LAMA3: variants seen among roughly 807,000 people sequenced by gnomAD.
The protein encoded by LAMA3 is laminin subunit alpha-3.
LAMA3 carries 281 observed loss-of-function variants against 402.0 expected under a neutral mutation model. The ratio of observed to expected loss-of-function variants is 0.70; its 90% CI spans 0.63 to 0.77. LAMA3 has a LOEUF of 0.77. Ranked by LOEUF, LAMA3 falls within the 30% of genes least tolerant of loss-of-function variation. LAMA3 has a pLI of 0.00. For synonymous variants in LAMA3, 1,431 were observed against 1,558.4 expected (o/e 0.92, Z 1.93); for missense variants, 3,840 against 4,215.5 (o/e 0.91, Z 2.47).
At chr18:23,872,834 C>G (rs2064567878) in intron 38 of LAMA3, 2 of 588,874 alleles carry the variant, frequency 3.4e-6, no homozygotes, top group African/African-American at 3.7e-5. Flanking sequence ...CGCCCCACCT[C>G]ACAGGAATTA....
chr18:23,840,860 A>G (rs767304997), intron 27 of LAMA3, among the ~76,000 whole-genome samples: 2 of 152,188 alleles, frequency 1.3e-5, no homozygotes, highest in Non-Finnish European at 2.9e-5. Context: ...ATTTTGGAAT[A>G]TTTACATTAT....
intron 10 of LAMA3, 119 bp from the exon 11 acceptor site, chr18:23,777,438 C>T: frequency 1.4e-6 from 1 of 733,312 alleles, no homozygotes; most frequent in Non-Finnish European, 2.5e-6. Context: ...TTAAATTAGT[C>T]TCTATATGCT....
At chr18:23,859,845 TG>T (rs2064172612) in intron 34 of LAMA3, among the ~76,000 whole-genome samples, 1 of 152,182 alleles carries the variant, frequency 6.6e-6, no homozygotes, top group South Asian at 2.1e-4. Context: ...CCTCAGAGGT[TG>T]GGGGTAGGGC....
chr18:23,741,704 TA>T (rs1305086222), intron 2 of LAMA3, among the ~76,000 whole-genome samples: 4 of 152,174 alleles, frequency 2.6e-5, no homozygotes, highest in Non-Finnish European at 4.4e-5. Context: ...ATTACAAATG[TA>T]AAAAAGGTAA....
chr18:23,884,693 C>T (rs1010315226), intron 40 of LAMA3, 80 bp from the exon 41 acceptor site: 23 of 1,299,942 alleles, frequency 1.8e-5, no homozygotes, highest in Non-Finnish European at 2.5e-5. Flanking sequence ...TTAATACAAG[C>T]CAGTCCTTTG....
chr18:23,714,209 T>A, intron 2 of LAMA3, 137 bp downstream of exon 2: 2 of 906,540 alleles, frequency 2.2e-6, no homozygotes, highest in African/African-American at 1.7e-5. Flanking sequence ...CCTGTTACAT[T>A]AACATTTGCT....
At chr18:23,931,938 A>G (rs955520840) in intron 65 of LAMA3, among the ~76,000 whole-genome samples, 1 of 152,272 alleles carries the variant, frequency 6.6e-6, no homozygotes, top group African/African-American at 2.4e-5. Flanking sequence ...CAGTCTTTCA[A>G]AACGCCATCT....
Position 23,833,942 on chromosome 18 carries a change from G to A in LAMA3, c.2938G>A (p.Gly980Arg), listed in dbSNP as rs374075034. ...GGTTGATGTGAATGTGAAGAGCTCC[G>A]GGTCTGTTCTGGCAGGCCAGGTGAA... ...FVVDVNVKSSGSVLAGQVNIY... is the reference protein window; with the variant it reads ...FVVDVNVKSSRSVLAGQVNIY... Residue 980 changes from glycine to arginine, a missense_variant, in exon 24 of 75, where the codon GGG (glycine) becomes AGG (arginine). Gly to Arg is a moderately radical substitution (Grantham distance 125, BLOSUM62 -2). This residue lies in a region of LAMA3 where 2,109 missense variants were observed against 2,376.0 expected (regional missense o/e 0.89). Coordinates refer to ENST00000313654, the MANE Select transcript of LAMA3 (RefSeq NM_198129.4). The A allele has an allele frequency of 3.0e-5, 49 of 1,614,210 alleles. No individual in the cohort carries two copies. Among genetic ancestry groups the A allele is most frequent in the African/African-American group, 2.4e-4 (18 of 75,056 alleles).
At chr18:23,884,704 T>C (rs1259838230) in intron 40 of LAMA3, 69 bp from the exon 41 acceptor site, 1 of 1,352,834 alleles carries the variant, frequency 7.4e-7, no homozygotes, top group Non-Finnish European at 1.1e-6. Flanking sequence ...CAGTCCTTTG[T>C]GGTAAAAAAT....
chr18:23,708,557 G>T lies in LAMA3; in HGVS notation c.295-5363G>T, dbSNP rs147727639. On this transcript the variant is annotated intron_variant, in intron 1 of 74. Transcript: ENST00000313654. The stretch of plus-strand genomic sequence containing the variant: ...TTTTTATTTGTCAAATTTCTTTTGA[G>T]ATACTTGATGTTCTCTGAGACTATT... 5.2e-3 allele frequency among the ~76,000 whole-genome samples: 784 copies of T among 152,068 alleles called. 8 individuals are homozygous for T. Among genetic ancestry groups the T allele is most frequent in the African/African-American group, 0.018 (752 of 41,502 alleles).
chr18:23,900,183 G>A (rs2145115114), intron 47 of LAMA3, among the ~76,000 whole-genome samples: 1 of 152,198 alleles, frequency 6.6e-6, no homozygotes. Context: ...CGGTTCTCAT[G>A]CCTCAGACTG....
At chr18:23,843,144 T>C (rs1337662850) in intron 29 of LAMA3, among the ~76,000 whole-genome samples, 1 of 152,134 alleles carries the variant, frequency 6.6e-6, no homozygotes, top group East Asian at 1.9e-4. Context: ...TCCTTCCGAT[T>C]TGACACCGAG....
Position 23,928,824 on chromosome 18 carries a change from A to G in LAMA3, c.8436+59A>G. On this transcript the variant is annotated intron_variant, in intron 64 of 74. Transcript: ENST00000313654. Reference sequence around the variant, plus strand: ...TAAACCTGACTCAAAGTTTGATGTTAAAAACAACAGAGAGATTTAGAAAGT... The same window carrying G: ...TAAACCTGACTCAAAGTTTGATGTTGAAAACAACAGAGAGATTTAGAAAGT... 2.0e-6 allele frequency: 3 copies of G among 1,476,956 alleles called. No homozygotes were observed. The South Asian group carries it at 3.4e-5, about 17-fold the overall frequency. 91.5% of individuals were successfully genotyped at this position (1,476,956 alleles called of 1,614,324 possible). A position where few individuals can be genotyped will look rare whatever the true frequency, so the allele number is the denominator to read the frequency against.
intron 2 of LAMA3, among the ~76,000 whole-genome samples, chr18:23,715,855 T>C (rs182318953): frequency 7.9e-5 from 12 of 152,268 alleles, no homozygotes; most frequent in African/African-American, 2.9e-4. Context: ...ATGCATCCCA[T>C]AGCATAGAAA....
chr18:23,917,695 A>G (rs1486200413), intron 60 of LAMA3, among the ~76,000 whole-genome samples: 1 of 151,934 alleles, frequency 6.6e-6, no homozygotes, highest in Non-Finnish European at 1.5e-5. Flanking sequence ...GTCCATTTTT[A>G]ATGGGGTTGT....
intron 39 of LAMA3, among the ~76,000 whole-genome samples, chr18:23,877,577 G>A (rs775936536): frequency 1.6e-4 from 24 of 152,194 alleles, no homozygotes; most frequent in Non-Finnish European, 2.8e-4. Context: ...TTCCTAGACC[G>A]TATTAAGCTC....
chr18:23,706,283 T>C (rs1035573720), intron 1 of LAMA3, among the ~76,000 whole-genome samples: 2 of 152,198 alleles, frequency 1.3e-5, no homozygotes, highest in Non-Finnish European at 2.9e-5. Flanking sequence ...CTGCTGTGAA[T>C]AGTGTTGAAT....
intron 48 of LAMA3, 46 bp downstream of exon 48, chr18:23,901,369 G>A (rs747549600): frequency 4.7e-6 from 7 of 1,493,604 alleles, no homozygotes; most frequent in Non-Finnish European, 6.5e-6. Flanking sequence ...ATAAGGATGA[G>A]AGAAGCAGGG....
intron 1 of LAMA3, 47 bp from the exon 2 acceptor site, chr18:23,713,873 A>G: frequency 6.3e-7 from 1 of 1,579,814 alleles, no homozygotes; most frequent in Non-Finnish European, 8.6e-7. Flanking sequence ...TTGAAAGTAA[A>G]AAAATAAAAA....
Sources: allele counts gnomAD v4.1 joint callset (sites outside exome capture counted in the v4.1 genomes callset), GRCh38; gene constraint gnomAD v4.1.1; regional missense constraint gnomAD v4.1.1; transcripts MANE v1.5; gene names NCBI Gene and HGNC (gene_info 2026-07-23, HGNC 2026-07-21).